TMEM135: variants seen among roughly 807,000 people sequenced by gnomAD.
TMEM135 encodes the protein peroxisomal membrane protein 52.
TMEM135 carries 30 observed loss-of-function variants against 60.3 expected under a neutral mutation model. The ratio of observed to expected loss-of-function variants is 0.50; its 90% CI spans 0.37 to 0.68. TMEM135 has a LOEUF of 0.68. Ranked by LOEUF, TMEM135 falls within the 30% of genes least tolerant of loss-of-function variation. The pLI, the probability that TMEM135 is intolerant of heterozygous loss-of-function variation, is 0.00. For missense variants in TMEM135, 468 were observed against 548.8 expected (o/e 0.85, Z 1.47); for synonymous variants, 190 against 186.7 (o/e 1.02, Z -0.14).
At chr11:87,053,170 CG>C (rs1345155636) in intron 1 of TMEM135, among the ~76,000 whole-genome samples, 1 of 69,168 alleles carries the variant, frequency 1.4e-5, no homozygotes, top group Non-Finnish European at 2.4e-5. Context: ...GTGGTGGGGT[CG>C]GGGGAGGGGG....
chr11:87,303,391 C>T (rs1291864751), intron 8 of TMEM135, among the ~76,000 whole-genome samples: 4 of 152,192 alleles, frequency 2.6e-5, no homozygotes, highest in African/African-American at 7.2e-5. Flanking sequence ...TCCGTGAAAC[C>T]GGTCCCTGGT....
chr11:87,257,356 TTTTG>T (rs1359647540), intron 6 of TMEM135, among the ~76,000 whole-genome samples: 1 of 152,210 alleles, frequency 6.6e-6, no homozygotes, highest in African/African-American at 2.4e-5. Flanking sequence ...TGTTATTTTC[TTTTG>T]TTTAAGTTCT....
rs118061924 is a variant in TMEM135 at position 87,179,624 on chromosome 11, T to A, written c.462+22218T>A. On this transcript the variant is annotated intron_variant, in intron 5 of 14. Coordinates refer to ENST00000305494, the MANE Select transcript of TMEM135 (RefSeq NM_022918.4). ...GTGAAAATCCAAGTTCATTTTTTTT[T>A]AATTTTTTGCCTGTGTGTATTCAGT... is the stretch of plus-strand genomic sequence containing the variant. Among the ~76,000 whole-genome samples, 22 of 152,310 alleles carry A rather than the reference T, an allele frequency of 1.4e-4. No individual in the cohort carries two copies. In the East Asian group the frequency reaches 1.7e-3, roughly 12 times the overall value.
chr11:87,054,527 C>A (rs1266812024), intron 1 of TMEM135, among the ~76,000 whole-genome samples: 1 of 152,178 alleles, frequency 6.6e-6, no homozygotes, highest in Non-Finnish European at 1.5e-5. Context: ...AGTGCTAAAT[C>A]AAGTATCATC....
At chr11:87,146,987 T>C (rs189142534) in intron 4 of TMEM135, among the ~76,000 whole-genome samples, 17 of 152,272 alleles carry the variant, frequency 1.1e-4, no homozygotes, top group African/African-American at 4.1e-4. Flanking sequence ...GAAATCTTTC[T>C]ATAAGATGAT....
At chr11:87,067,644 T>G in intron 1 of TMEM135, 50 bp from the exon 2 acceptor site, 1 of 1,609,632 alleles carries the variant, frequency 6.2e-7, no homozygotes. Context: ...TAAGCTAATT[T>G]AAGTGGGAAA....
chr11:87,178,761 T>A (rs372269404), intron 5 of TMEM135, among the ~76,000 whole-genome samples: 1 of 151,512 alleles, frequency 6.6e-6, no homozygotes, highest in Non-Finnish European at 1.5e-5. Context: ...ATATCAGTAC[T>A]TTTTTTTTCC....
intron 5 of TMEM135, among the ~76,000 whole-genome samples, chr11:87,168,569 A>G (rs192011695): frequency 3.9e-5 from 6 of 152,324 alleles, no homozygotes; most frequent in African/African-American, 7.2e-5. Flanking sequence ...TTTACCGAGT[A>G]GTCATACAGG....
chr11:87,126,821 A>T (rs487366), intron 4 of TMEM135, among the ~76,000 whole-genome samples: 2 of 151,356 alleles, frequency 1.3e-5, no homozygotes, highest in East Asian at 3.9e-4. Context: ...GTATGTGTTT[A>T]TAAAATTTAT....
At chr11:87,186,459 G>C (rs970205185) in intron 5 of TMEM135, among the ~76,000 whole-genome samples, 4 of 152,170 alleles carry the variant, frequency 2.6e-5, no homozygotes, top group Non-Finnish European at 4.4e-5. Context: ...ATGAATTAAA[G>C]TTTTCATCTG....
intron 5 of TMEM135, among the ~76,000 whole-genome samples, chr11:87,177,545 T>A (rs1173316923): frequency 1.3e-5 from 2 of 152,212 alleles, no homozygotes; most frequent in Non-Finnish European, 2.9e-5. Context: ...AATTTTTAAA[T>A]ATATTTATGG....
At chr11:87,145,858 C>A (rs990405485) in intron 4 of TMEM135, among the ~76,000 whole-genome samples, 1 of 152,052 alleles carries the variant, frequency 6.6e-6, no homozygotes, top group Non-Finnish European at 1.5e-5. Flanking sequence ...TGGTTTGCAA[C>A]CATTTTCTCC....
intron 1 of TMEM135, among the ~76,000 whole-genome samples, chr11:87,057,289 C>T (rs770019267): frequency 6.6e-5 from 10 of 152,238 alleles, no homozygotes; most frequent in South Asian, 4.1e-4. Context: ...TAATGGTCAT[C>T]GCTAAAGTTT....
intron 7 of TMEM135, among the ~76,000 whole-genome samples, chr11:87,298,682 G>T (rs897767219): frequency 4.6e-5 from 7 of 151,136 alleles, no homozygotes; most frequent in African/African-American, 7.3e-5. Context: ...AGATGCTTGG[G>T]AGGCTGAGGG....
At chr11:87,061,696 C>T (rs1376373378) in intron 1 of TMEM135, among the ~76,000 whole-genome samples, 1 of 152,014 alleles carries the variant, frequency 6.6e-6, no homozygotes, top group Non-Finnish European at 1.5e-5. Context: ...ATTCCATGGC[C>T]GTAAAGTGCA....
intron 3 of TMEM135, among the ~76,000 whole-genome samples, chr11:87,089,750 C>T (rs1179345430): frequency 1.3e-5 from 2 of 151,920 alleles, no homozygotes; most frequent in Non-Finnish European, 2.9e-5. Flanking sequence ...TAATTTTTCT[C>T]AGTATAACTT....
chr11:87,195,278 T>C (rs1939907387), intron 5 of TMEM135, among the ~76,000 whole-genome samples: 1 of 152,134 alleles, frequency 6.6e-6, no homozygotes, highest in Non-Finnish European at 1.5e-5. Flanking sequence ...AATTTTAATT[T>C]GTATAATTGA....
intron 6 of TMEM135, among the ~76,000 whole-genome samples, chr11:87,249,778 T>G (rs1941373247): frequency 6.6e-6 from 1 of 152,176 alleles, no homozygotes; most frequent in Non-Finnish European, 1.5e-5. Context: ...TGTAGTTTTC[T>G]TTTATTGCTA....
chr11:87,215,884 A>T (rs765850998), intron 5 of TMEM135, among the ~76,000 whole-genome samples: 1 of 152,114 alleles, frequency 6.6e-6, no homozygotes, highest in African/African-American at 2.4e-5. Flanking sequence ...TCTCCCTTCT[A>T]TGCTGAATTT....
Sources: allele counts gnomAD v4.1 joint callset (sites outside exome capture counted in the v4.1 genomes callset), GRCh38; gene constraint gnomAD v4.1.1; transcripts MANE v1.5; gene names NCBI Gene and HGNC (gene_info 2026-07-23, HGNC 2026-07-21).